LRFN5: variants seen among roughly 807,000 people sequenced by gnomAD.
LRFN5 encodes leucine rich repeat and fibronectin type III domain containing 5.
A neutral mutation model predicts 45.6 loss-of-function variants in LRFN5; 24 were observed. That is an observed-to-expected ratio of 0.53 (90% CI 0.38 to 0.74). LRFN5 has a LOEUF of 0.74. Among genes scored for constraint, LRFN5 ranks in the 30% least tolerant of loss-of-function variants. The probability of loss-of-function intolerance (pLI) is 0.00; values close to 1 mark genes in which losing one functional copy is unlikely to be tolerated. For missense variants in LRFN5, 776 were observed against 861.5 expected, an observed-to-expected ratio of 0.90 and a Z score of 1.24; for synonymous variants, 340 against 313.8, an observed-to-expected ratio of 1.08 and a Z score of -0.88.
At chr14:41,753,945 C>A (rs1218827356) in intron 1 of LRFN5, among the ~76,000 whole-genome samples, 1 of 152,086 alleles carries the variant, frequency 6.6e-6, no homozygotes, top group African/African-American at 2.4e-5. Flanking sequence ...CCCATCAATA[C>A]CTAATTTATT....
intron 1 of LRFN5, among the ~76,000 whole-genome samples, chr14:41,616,883 T>G (rs532038093): frequency 6.6e-6 from 1 of 152,152 alleles, no homozygotes; most frequent in Non-Finnish European, 1.5e-5. Flanking sequence ...CAAGATATGT[T>G]TAAGGCAGTT....
rs574644760 is a variant in LRFN5, at chr14:41,626,330, C to A, written c.-197+17768C>A. On this transcript the variant is annotated intron_variant, in intron 1 of 5. Transcript: ENST00000298119. The stretch of plus-strand genomic sequence containing the variant: ...TCAGTGATATTTGCAAATTATTTTT[C>A]TATAAATAAATTAAAGAAATTTAGC... Among the ~76,000 whole-genome samples the A allele has an allele frequency of 2.0e-5, 3 of 152,040 alleles. No individual in the cohort carries two copies. The East Asian group carries it at 5.8e-4, about 29-fold the overall frequency.
intron 1 of LRFN5, among the ~76,000 whole-genome samples, chr14:41,739,138 C>A (rs1424353201): frequency 6.6e-6 from 1 of 152,098 alleles, no homozygotes; most frequent in Non-Finnish European, 1.5e-5. Flanking sequence ...ATAATCCCAG[C>A]ACTTTGGGAG....
chr14:41,778,818 T>G (rs1886383244), intron 2 of LRFN5, among the ~76,000 whole-genome samples: 1 of 151,852 alleles, frequency 6.6e-6, no homozygotes, highest in South Asian at 2.1e-4. Flanking sequence ...TGTGAATTGT[T>G]GTACATGTGC....
chr14:41,828,097 A>C (rs979104082), intron 2 of LRFN5, among the ~76,000 whole-genome samples: 2 of 152,038 alleles, frequency 1.3e-5, no homozygotes, highest in African/African-American at 4.8e-5. Flanking sequence ...TTAAAGGGAA[A>C]TAGGTCAGCT....
At chr14:41,712,214 A>G (rs776355606) in intron 1 of LRFN5, among the ~76,000 whole-genome samples, 4 of 152,302 alleles carry the variant, frequency 2.6e-5, no homozygotes, top group Admixed American at 6.5e-5. Context: ...TAAAAATTAT[A>G]TTGTCTTTCA....
chr14:41,835,813 T>G (rs1414438231), intron 2 of LRFN5, among the ~76,000 whole-genome samples: 1 of 152,104 alleles, frequency 6.6e-6, no homozygotes, highest in East Asian at 1.9e-4. Context: ...ATAAAAATCT[T>G]TGGAGTTTAT....
intron 1 of LRFN5, among the ~76,000 whole-genome samples, chr14:41,751,722 T>A (rs1218166305): frequency 1.3e-5 from 2 of 152,084 alleles, no homozygotes; most frequent in East Asian, 3.9e-4. Flanking sequence ...GACAGAATCC[T>A]TAGGACCAAT....
intron 1 of LRFN5, among the ~76,000 whole-genome samples, chr14:41,663,318 T>C (rs1880742267): frequency 6.6e-6 from 1 of 152,048 alleles, no homozygotes; most frequent in South Asian, 2.1e-4. Context: ...TTGCATCCTT[T>C]GATGTCAGTA....
intron 2 of LRFN5, among the ~76,000 whole-genome samples, chr14:41,826,367 T>C (rs193054534): frequency 6.6e-6 from 1 of 152,364 alleles, no homozygotes; most frequent in Admixed American, 6.5e-5. Context: ...AAATGTCATC[T>C]ATGCCTTTCT....
At chr14:41,775,807 A>C (rs566948582) in intron 2 of LRFN5, among the ~76,000 whole-genome samples, 6 of 152,228 alleles carry the variant, frequency 3.9e-5, no homozygotes, top group Non-Finnish European at 7.3e-5. Context: ...TGTAATTTTA[A>C]ATTAATGTTC....
chr14:41,802,852 C>T (rs1032786076), intron 2 of LRFN5, among the ~76,000 whole-genome samples: 6 of 152,002 alleles, frequency 3.9e-5, no homozygotes, highest in African/African-American at 1.4e-4. Flanking sequence ...TGAAGAATTA[C>T]TTGACAATGA....
rs550712039 is a variant in LRFN5 at position 41,690,149 on chromosome 14, A to T, written c.-196-76705A>T. On this transcript the variant is annotated intron_variant, in intron 1 of 5. Transcript: ENST00000298119. ...ACAGTACTTGCAAACCAAATGTAGC[A>T]ATATTTTTAAAAAGTTTGTACTTCA... Among the ~76,000 whole-genome samples the T allele has an allele frequency of 3.1e-4, 47 of 152,306 alleles. 1 individual carries two copies. Among genetic ancestry groups the T allele is most frequent in the Admixed American group, 2.0e-4 (3 of 15,302 alleles).
At chr14:41,762,193 C>T (rs998948994) in intron 1 of LRFN5, among the ~76,000 whole-genome samples, 15 of 150,670 alleles carry the variant, frequency 1.0e-4, no homozygotes, top group African/African-American at 3.2e-4. Flanking sequence ...TACAGTATCC[C>T]TTAATGTTAT....
At chr14:41,881,702 T>C (rs1890386574) in intron 2 of LRFN5, among the ~76,000 whole-genome samples, 1 of 152,200 alleles carries the variant, frequency 6.6e-6, no homozygotes. Context: ...CTTTCAGGCT[T>C]TTAAAATCTG....
intron 2 of LRFN5, among the ~76,000 whole-genome samples, chr14:41,843,105 A>G (rs1481147518): frequency 7.5e-6 from 1 of 132,858 alleles, no homozygotes; most frequent in Non-Finnish European, 1.6e-5. Flanking sequence ...TTTTTTTTTA[A>G]TACTGAGTCT....
intron 1 of LRFN5, among the ~76,000 whole-genome samples, chr14:41,705,070 G>A (rs2138733358): frequency 6.6e-6 from 1 of 152,122 alleles, no homozygotes; most frequent in South Asian, 2.1e-4. Flanking sequence ...GTTTCTAGGA[G>A]CACTTAAATA....
At chr14:41,625,255 G>A (rs368080027) in intron 1 of LRFN5, among the ~76,000 whole-genome samples, 16 of 120,146 alleles carry the variant, frequency 1.3e-4, no homozygotes, top group African/African-American at 4.8e-4. Flanking sequence ...ATATATCAAG[G>A]GTGGGTTCAT....
rs187589159 is a variant in LRFN5 at position 41,660,698 on chromosome 14, C to T, written c.-197+52136C>T. On this transcript the variant is annotated intron_variant, in intron 1 of 5. Transcript: ENST00000298119. ...GCTTGTAAAGATACTGATTGTTGGC[C>T]GAACATTCCAACTCAGTTAAGTATT... Among the ~76,000 whole-genome samples the T allele has an allele frequency of 2.7e-4, 41 of 151,738 alleles. No homozygotes were observed. The East Asian group carries it at 3.1e-3, about 12-fold the overall frequency.
Sources: gnomAD v4.1 joint callset for allele counts (sites outside exome capture counted in the v4.1 genomes callset) on GRCh38, gnomAD v4.1.1 for gene constraint, MANE v1.5 for transcripts, NCBI Gene and HGNC (gene_info 2026-07-23, HGNC 2026-07-21) for gene names.